Variants in JADE3 observed in about 807,000 individuals in gnomAD.
JADE3 encodes protein Jade-3.
A neutral mutation model predicts 50.1 loss-of-function variants in JADE3; 2 were observed. The ratio of observed to expected loss-of-function variants is 0.04; its 90% confidence interval spans 0.02 to 0.13. JADE3 has a LOEUF of 0.13. Among genes scored for constraint, JADE3 ranks in the 10% least tolerant of loss-of-function variants. The pLI is 1.00. For synonymous variants in JADE3, 218 were observed against 232.9 expected (o/e 0.94, Z 0.58); for missense variants, 475 against 634.4 (o/e 0.75, Z 2.70).
Position 47,054,324 on chromosome X carries a change from A to G in JADE3, c.1139A>G (p.His380Arg). Residue 380 changes from histidine (H) to arginine (R), a missense_variant, in exon 9 of 11, where the codon CAC (histidine) becomes CGC (arginine). By Grantham distance (29) the His-to-Arg change is conservative. This residue lies in a region of JADE3 where 81 missense variants were observed against 123.8 expected (regional missense o/e 0.65). Transcript: ENST00000614628. ...QKLGEAEYPH[H>R]RAKEQSQAKS... ...CTTGGAGAAGCTGAGTACCCCCACC[A>G]CAGGGCTAAAGAGCAGAGCCAGGCC... 1.7e-6 allele frequency: 2 copies of G among 1,210,998 alleles called. No homozygotes were observed. The highest frequency in any genetic ancestry group is 3.0e-5 in the East Asian group (1 of 33,801).
chrX:46,995,721 C>T (rs1458563890), intron 3 of JADE3, among the ~76,000 whole-genome samples: 1 of 111,447 alleles, frequency 9.0e-6, no homozygotes, highest in Non-Finnish European at 1.9e-5. Context: ...ATATCTTCTG[C>T]CTGAGTACTG....
In JADE3 at chrX:46,917,834, C is replaced by CCTCTCTCATCCTCT. The variant is rs1556336765; in HGVS notation, c.-12+5122_-12+5123insATCCTCTCTCTCTC. Among the ~76,000 whole-genome samples the CCTCTCTCATCCTCT allele has an allele frequency of 6.8e-4, 29 of 42,553 alleles. 1 individual carries two copies. In the East Asian group the frequency reaches 0.019, roughly 28 times the overall value. The allele number at this position is 42,553 out of a possible 115,157, so 37.0% of individuals were successfully genotyped here. On this transcript the variant is annotated intron_variant, in intron 1 of 10. Transcript: ENST00000614628. ...CTCTCTCTCTCTCACTCTCTCTCAT[C>CCTCTCTCATCCTCT]CTCTCTCTCTCTCTCTCTCTCATCC...
intron 4 of JADE3, 74 bp downstream of exon 4, chrX:46,998,351 A>G (rs1225485360): frequency 7.4e-6 from 7 of 942,263 alleles, no homozygotes; most frequent in Non-Finnish European, 1.0e-5. Flanking sequence ...GGAGAAACTT[A>G]GAGTGGCTAA....
chrX:46,999,570 A>C (rs781886320), intron 4 of JADE3, among the ~76,000 whole-genome samples: 1 of 107,160 alleles, frequency 9.3e-6, no homozygotes, highest in South Asian at 4.0e-4. Flanking sequence ...GGCCAAAAAC[A>C]TAGAGTTTGT....
chrX:46,976,330 T>TC, intron 1 of JADE3, among the ~76,000 whole-genome samples: 1 of 111,920 alleles, frequency 8.9e-6, no homozygotes, highest in East Asian at 2.8e-4. Flanking sequence ...TCCCAAATAA[T>TC]CCCAGTTGGG....
At chrX:47,035,908 C>T (rs1037677967) in intron 7 of JADE3, among the ~76,000 whole-genome samples, 1 of 111,344 alleles carries the variant, frequency 9.0e-6, no homozygotes, top group Non-Finnish European at 1.9e-5. Flanking sequence ...TTTGGGAGGT[C>T]GAGGCAGGCA....
At position 46,952,924 on chromosome X, in the gene JADE3, G is replaced by C. The variant is rs188304293; in HGVS notation, c.-11-31960G>C. 2.5e-3 allele frequency among the ~76,000 whole-genome samples: 279 copies of C among 110,384 alleles called. 1 individual carries two copies. The highest frequency in any genetic ancestry group is 8.7e-3 in the African/African-American group (263 of 30,316). ...GAGGCAGGAGAATCTCTTGAGCCCA[G>C]GAGGCAGAGGTGGCAGTGAGCCAAT... On this transcript the variant is annotated intron_variant, in intron 1 of 10. Transcript: ENST00000614628.
Position 47,039,096 on chromosome X carries a change from C to T in JADE3, c.972+31C>T, listed in dbSNP as rs188748690. 3.4e-4 allele frequency: 267 copies of T among 785,686 alleles called. No individual in the cohort carries two copies. The African/African-American group carries it at 4.1e-3, about 12-fold the overall frequency. The allele number at this position is 785,686 out of a possible 1,213,427, so 64.7% of individuals were successfully genotyped here. On this transcript the variant is annotated intron_variant, in intron 8 of 10. Coordinates refer to ENST00000614628, the MANE Select transcript of JADE3 (RefSeq NM_014735.5). ...TCCCCATGAGAAGTGGTAGAGTGGG[C>T]TAACACCAAATTAGCTGGACTCACC...
At chrX:46,940,987 C>T (rs1926739541) in intron 1 of JADE3, among the ~76,000 whole-genome samples, 1 of 110,963 alleles carries the variant, frequency 9.0e-6, no homozygotes, top group Non-Finnish European at 1.9e-5. Context: ...AGGTCTGTCA[C>T]GTGGGTTTGT....
intron 1 of JADE3, among the ~76,000 whole-genome samples, chrX:46,975,791 C>T (rs1322538829): frequency 1.2e-4 from 11 of 89,441 alleles, no homozygotes; most frequent in Non-Finnish European, 2.1e-4. Flanking sequence ...ATGATCTCAG[C>T]TCACTGCAAC....
At chrX:46,952,159 G>A (rs1218018439) in intron 1 of JADE3, among the ~76,000 whole-genome samples, 1 of 112,433 alleles carries the variant, frequency 8.9e-6, no homozygotes, top group Non-Finnish European at 1.9e-5. Context: ...CTTTTCTCAT[G>A]TGAGCTGGCA....
intron 4 of JADE3, among the ~76,000 whole-genome samples, chrX:47,009,056 C>T (rs180742603): frequency 1.4e-4 from 16 of 110,559 alleles, no homozygotes; most frequent in Non-Finnish European, 2.8e-4. Context: ...AGTGTAGTGG[C>T]TCACACCTGT....
chrX:47,015,370 T>A (rs1258909469), intron 4 of JADE3, among the ~76,000 whole-genome samples: 1 of 110,798 alleles, frequency 9.0e-6, no homozygotes, highest in Non-Finnish European at 1.9e-5. Flanking sequence ...TCGCTTGAGA[T>A]CAGGAGTTCG....
chrX:46,977,787 G>A (rs1185310798), intron 1 of JADE3, among the ~76,000 whole-genome samples: 2 of 111,391 alleles, frequency 1.8e-5, no homozygotes, highest in Non-Finnish European at 3.8e-5. Context: ...AGAAAATCTA[G>A]CCATAGCCTG....
intron 1 of JADE3, among the ~76,000 whole-genome samples, chrX:46,933,877 A>C (rs1179877055): frequency 2.7e-5 from 3 of 111,913 alleles, no homozygotes; most frequent in Non-Finnish European, 5.6e-5. Context: ...ATTAAAAAAA[A>C]AAAAATGCTG....
At chrX:47,054,010 T>C in intron 8 of JADE3, 148 bp from the exon 9 acceptor site, 1 of 407,471 alleles carries the variant, frequency 2.5e-6, no homozygotes, top group Non-Finnish European at 4.2e-6. Context: ...CTTGGGTTAC[T>C]TGTAAAGCAT....
chrX:46,916,230 T>C (rs1469159171), intron 1 of JADE3, among the ~76,000 whole-genome samples: 1 of 112,699 alleles, frequency 8.9e-6, no homozygotes, highest in Non-Finnish European at 1.9e-5. Flanking sequence ...ACTCACTATA[T>C]TCCCAATTAG....
At chrX:46,997,417 C>A (rs1928155926) in intron 3 of JADE3, among the ~76,000 whole-genome samples, 1 of 111,622 alleles carries the variant, frequency 9.0e-6, no homozygotes, top group South Asian at 3.8e-4. Flanking sequence ...ACTCAGGAGG[C>A]TGAGGTGGGA....
Position 47,020,434 on chromosome X carries a change from A to T in JADE3, c.285-4290A>T, listed in dbSNP as rs1476163623. Among the ~76,000 whole-genome samples, 4 of 111,835 alleles carry T rather than the reference A, an allele frequency of 3.6e-5. No homozygotes were observed. The East Asian group carries it at 1.1e-3, about 31-fold the overall frequency. ...GATTTCCTCCAGCTTTAGCCATGTT[A>T]TATATACTCGAAGATATTGAAGCTG... is the stretch of plus-strand genomic sequence containing the variant. On this transcript the variant is annotated intron_variant, in intron 4 of 10. Transcript: ENST00000614628.
Sources: gnomAD v4.1 joint callset for allele counts (sites outside exome capture counted in the v4.1 genomes callset) on GRCh38, gnomAD v4.1.1 for gene constraint, gnomAD v4.1.1 regional missense constraint, MANE v1.5 for transcripts, NCBI Gene and HGNC (gene_info 2026-07-23, HGNC 2026-07-21) for gene names.